Variants in DCC observed in about 807,000 individuals in gnomAD.
DCC encodes the protein netrin receptor DCC.
Under a neutral mutation model 172.5 loss-of-function variants are expected in DCC, and 58 were observed. The observed-to-expected ratio is 0.34, with a 90% CI of 0.27 to 0.42. The LOEUF is 0.42. DCC is among the 10% of genes least tolerant of loss of function. DCC has a pLI of 1.00. For missense variants in DCC, 1,740 were observed against 1,791.0 expected (o/e 0.97, Z 0.51); for synonymous variants, 709 against 644.5 (o/e 1.10, Z -1.52).
chr18:53,191,449 TC>T (rs113201630), intron 9 of DCC, among the ~76,000 whole-genome samples: 52,356 of 152,004 alleles, frequency 0.34, 9,957 homozygotes, highest in Non-Finnish European at 0.44. Flanking sequence ...TTTTTGCCAA[TC>T]TTCTTAAAAA....
At chr18:52,862,825 G>A (rs1310080535) in intron 2 of DCC, among the ~76,000 whole-genome samples, 3 of 152,002 alleles carry the variant, frequency 2.0e-5, no homozygotes, top group Admixed American at 2.0e-4. Context: ...GAGATCAACG[G>A]AATCTTTCCC....
In DCC at chr18:52,943,002, A is replaced by T. The variant is rs954330231; in HGVS notation, c.985+17632A>T. Among the ~76,000 whole-genome samples the T allele has an allele frequency of 4.6e-5, 7 of 152,216 alleles. No individual in the cohort carries two copies. The East Asian group carries it at 1.3e-3, about 29-fold the overall frequency. The stretch of plus-strand genomic sequence containing the variant: ...ATGGTAGATATAAAATACTTAATAA[A>T]ATGCCTGCCACAGAGTATGCATTCA... On this transcript the variant is annotated intron_variant, in intron 5 of 28. Coordinates refer to ENST00000442544, the MANE Select transcript of DCC (RefSeq NM_005215.4).
chr18:52,418,838 T>TTTTCTTTCTTTCTTTC (rs1416079242), intron 1 of DCC, among the ~76,000 whole-genome samples: 53 of 142,836 alleles, frequency 3.7e-4, no homozygotes, highest in Middle Eastern at 3.8e-3. Context: ...TCCTTTTTCT[T>TTTTCTTTCTTTCTTTC]TTTCTTTCTT....
intron 2 of DCC, among the ~76,000 whole-genome samples, chr18:52,793,213 G>A (rs556510943): frequency 5.2e-4 from 79 of 152,234 alleles, no homozygotes; most frequent in African/African-American, 1.4e-3. Flanking sequence ...TGGACTTTCC[G>A]GTTGATTGGC....
chr18:53,172,513 AG>A (rs1271834150), intron 8 of DCC, among the ~76,000 whole-genome samples: 1 of 152,204 alleles, frequency 6.6e-6, no homozygotes, highest in Non-Finnish European at 1.5e-5. Flanking sequence ...ACCTGTTCAA[AG>A]GGTTATGGCC....
intron 1 of DCC, among the ~76,000 whole-genome samples, chr18:52,611,392 C>T (rs2034274833): frequency 6.6e-6 from 1 of 152,170 alleles, no homozygotes; most frequent in Non-Finnish European, 1.5e-5. Context: ...TTTTTATACA[C>T]TCTCACACAT....
chr18:52,427,321 C>T (rs145952171), intron 1 of DCC, among the ~76,000 whole-genome samples: 1 of 151,956 alleles, frequency 6.6e-6, no homozygotes, highest in African/African-American at 2.4e-5. Context: ...TGCACTACAT[C>T]CAGGGTTATT....
chr18:53,503,507 C>T (rs2046130429), intron 27 of DCC, among the ~76,000 whole-genome samples: 1 of 152,008 alleles, frequency 6.6e-6, no homozygotes, highest in Non-Finnish European at 1.5e-5. Context: ...CAAATGTAGA[C>T]ATGTAAGTGA....
At chr18:52,739,811 T>A (rs2036790248) in intron 1 of DCC, among the ~76,000 whole-genome samples, 1 of 152,204 alleles carries the variant, frequency 6.6e-6, no homozygotes, top group African/African-American at 2.4e-5. Context: ...CAATTGAGAA[T>A]ACCTTCTTTT....
chr18:53,029,936 G>T (rs2042006055), intron 5 of DCC, among the ~76,000 whole-genome samples: 1 of 152,112 alleles, frequency 6.6e-6, no homozygotes, highest in African/African-American at 2.4e-5. Flanking sequence ...GGAGCCCTGG[G>T]CTCTAGAATC....
chr18:53,205,190 T>TC lies in DCC; in HGVS notation c.1574-25dup, dbSNP rs1324955497. 1.9e-6 allele frequency: 3 copies of TC among 1,602,060 alleles called. No homozygotes were observed. The African/African-American group carries it at 4.0e-5, about 21-fold the overall frequency. ...CCCACTTATCCTAATCACTTTTCTT[T>TC]CTTTCTTTATTATTTTTTTATACAG... On this transcript the variant is annotated intron_variant, in intron 9 of 28. Transcript: ENST00000442544.
chr18:52,927,308 C>G (rs919920882), intron 5 of DCC, among the ~76,000 whole-genome samples: 1 of 150,660 alleles, frequency 6.6e-6, no homozygotes, highest in Non-Finnish European at 1.5e-5. Context: ...CATACTCATA[C>G]TGGCATTTTT....
chr18:53,099,787 G>A (rs565107750), intron 7 of DCC, among the ~76,000 whole-genome samples: 1 of 152,112 alleles, frequency 6.6e-6, no homozygotes, highest in South Asian at 2.1e-4. Context: ...ACTATTACAT[G>A]TTATTTATAT....
At position 53,179,051 on chromosome 18, in the gene DCC, T is replaced by C; in HGVS notation, c.1508T>C (p.Val503Ala). The C allele has an allele frequency of 6.2e-7, 1 of 1,614,056 alleles. No homozygotes were observed. Among genetic ancestry groups the C allele is most frequent in the Non-Finnish European group, 8.5e-7 (1 of 1,179,958 alleles). ...KPEAMYTFRV[V>A]AYNEWGPGES... is the part of the protein sequence containing the mutation. ...GAAGCCATGTACACCTTTCGAGTTG[T>C]GGCTTACAATGAATGGGGACCGGGA... The change falls in exon 9 of 29, where the codon GTG (valine) becomes GCG (alanine). Residue 503 changes from valine to alanine, a missense_variant. Physicochemically the swap from Val to Ala is moderately conservative, Grantham distance 64. Coordinates refer to ENST00000442544, the MANE Select transcript of DCC (RefSeq NM_005215.4).
Position 53,099,835 on chromosome 18 carries a change from T to C in DCC, c.1261+33669T>C, listed in dbSNP as rs148543645. Among the ~76,000 whole-genome samples the C allele has an allele frequency of 5.5e-3, 839 of 152,172 alleles. 6 individuals are homozygous for C. Among genetic ancestry groups the C allele is most frequent in the Admixed American group, 0.022 (338 of 15,288 alleles). Reference sequence around the variant, plus strand: ...TGTTCTAAATAAGAGTTGTCAACATTGTTGCCTTGGAGTCTGAACTAGCAG... The same window carrying C: ...TGTTCTAAATAAGAGTTGTCAACATCGTTGCCTTGGAGTCTGAACTAGCAG... On this transcript the variant is annotated intron_variant, in intron 7 of 28. Transcript: ENST00000442544.
chr18:53,239,898 T>A (rs1374058722), intron 12 of DCC, among the ~76,000 whole-genome samples: 1 of 151,940 alleles, frequency 6.6e-6, no homozygotes, highest in Non-Finnish European at 1.5e-5. Flanking sequence ...AGTAGAATGG[T>A]AGCATAATAC....
chr18:53,429,088 A>T lies in DCC; in HGVS notation c.3164-6056A>T, dbSNP rs1301994649. 1.7e-3 allele frequency among the ~76,000 whole-genome samples: 83 copies of T among 48,474 alleles called. 7 individuals carry two copies. Among genetic ancestry groups the T allele is most frequent in the African/African-American group, 4.5e-3 (79 of 17,524 alleles). 31.8% of individuals were successfully genotyped at this position (48,474 alleles called of 152,430 possible). ...TTATATATAATATATATTTTATATA[A>T]TATATATTTTATATATAATATATAT... On this transcript the variant is annotated intron_variant, in intron 21 of 28. Transcript: ENST00000442544.
chr18:53,047,418 A>G (rs2042264505), intron 5 of DCC, among the ~76,000 whole-genome samples: 1 of 93,932 alleles, frequency 1.1e-5, no homozygotes, highest in African/African-American at 3.9e-5. Context: ...TTTATGTATT[A>G]TATATTTTAC....
intron 2 of DCC, among the ~76,000 whole-genome samples, chr18:52,808,978 C>A (rs560011531): frequency 6.6e-6 from 1 of 152,200 alleles, no homozygotes; most frequent in Middle Eastern, 3.4e-3. Flanking sequence ...TACTTTAACC[C>A]TAGGTTTATG....
Sources: gnomAD v4.1 joint callset for allele counts (sites outside exome capture counted in the v4.1 genomes callset) on GRCh38, gnomAD v4.1.1 for gene constraint, MANE v1.5 for transcripts, NCBI Gene and HGNC (gene_info 2026-07-23, HGNC 2026-07-21) for gene names.